Variants in HERC3 observed in about 807,000 individuals in gnomAD.
HERC3 encodes probable E3 ubiquitin-protein ligase HERC3.
A neutral mutation model predicts 129.9 loss-of-function variants in HERC3; 58 were observed. The observed-to-expected ratio is 0.45, with a 90% CI of 0.36 to 0.56. The LOEUF (loss-of-function observed/expected upper bound fraction) is 0.56. Ranked by LOEUF, HERC3 falls within the 20% of genes least tolerant of loss-of-function variation. HERC3 has a pLI of 0.00. For synonymous variants in HERC3, 430 were observed against 451.0 expected (o/e 0.95, Z 0.59); for missense variants, 835 against 1,244.2 (o/e 0.67, Z 4.95).
At chr4:88,620,878 C>G (rs4629403) in intron 3 of HERC3, among the ~76,000 whole-genome samples, 14,658 of 152,128 alleles carry the variant, frequency 0.096, 1,070 homozygotes, top group South Asian at 0.23. Context: ...TCTCTGCTCC[C>G]ATGGCACCTT....
chr4:88,545,430 C>CCTTTTTTT, the HERC3 span, among the ~76,000 whole-genome samples: 47 of 110,430 alleles, frequency 4.3e-4, 3 homozygotes, highest in East Asian at 1.5e-3. Context: ...TTTGAGAATT[C>CCTTTTTTT]TTTTTTTTTT....
intron 25 of HERC3, among the ~76,000 whole-genome samples, chr4:88,705,996 G>C (rs1278199131): frequency 6.6e-6 from 1 of 152,158 alleles, no homozygotes; most frequent in Non-Finnish European, 1.5e-5. Flanking sequence ...GAGCTTGTAG[G>C]GCTGTGACAT....
At chr4:88,664,529 A>G (rs1191573730) in intron 12 of HERC3, among the ~76,000 whole-genome samples, 1 of 152,210 alleles carries the variant, frequency 6.6e-6, no homozygotes, top group Non-Finnish European at 1.5e-5. Context: ...TGGAAAGCCT[A>G]ATAATGGTAA....
At chr4:88,592,051 C>G (rs1052499119), upstream of HERC3, among the ~76,000 whole-genome samples, 1 of 152,200 alleles carries the variant, frequency 6.6e-6, no homozygotes. Context: ...CGCACTCTCC[C>G]TCAATTGTCA....
chr4:88,671,567 A>G (rs1390979500), intron 16 of HERC3, among the ~76,000 whole-genome samples: 2 of 152,320 alleles, frequency 1.3e-5, no homozygotes, highest in East Asian at 3.9e-4. Context: ...TCTATCACCC[A>G]GGCTGGAGTG....
chr4:88,546,104 C>T, the HERC3 span, among the ~76,000 whole-genome samples: 12 of 152,152 alleles, frequency 7.9e-5, no homozygotes, highest in African/African-American at 2.7e-4. Flanking sequence ...GGTTGAATTA[C>T]TTGAAATTTC....
chr4:88,706,698 T>G, intron 25 of HERC3, 54 bp from the exon 26 acceptor site: 260 of 1,411,700 alleles, frequency 1.8e-4, no homozygotes, highest in Non-Finnish European at 2.4e-4. Flanking sequence ...GAAGGATCTC[T>G]GAGATCCATT....
the HERC3 span, among the ~76,000 whole-genome samples, chr4:88,550,805 A>T: frequency 6.6e-6 from 1 of 151,408 alleles, no homozygotes; most frequent in Admixed American, 6.7e-5. Flanking sequence ...ATATGGAACC[A>T]AAAAAGAGCC....
the HERC3 span, chr4:88,527,843 T>C: frequency 3.5e-4 from 111 of 318,080 alleles, 1 homozygote; most frequent in Non-Finnish European, 6.3e-4. Context: ...AAGCTGAATG[T>C]ATAGGTAGCT....
intron 23 of HERC3, chr4:88,690,405 T>C: frequency 1.0e-6 from 1 of 985,312 alleles, no homozygotes; most frequent in Non-Finnish European, 1.2e-6. Flanking sequence ...TGAGTACGTA[T>C]GTAGATACAT....
At chr4:88,544,523 G>A in the HERC3 span, among the ~76,000 whole-genome samples, 2 of 152,198 alleles carry the variant, frequency 1.3e-5, no homozygotes, top group East Asian at 3.8e-4. Flanking sequence ...ATTCCTCAAG[G>A]ATCTAGAAGT....
chr4:88,605,009 G>T (rs1433666957), intron 2 of HERC3, among the ~76,000 whole-genome samples: 13 of 152,218 alleles, frequency 8.5e-5, no homozygotes, highest in African/African-American at 2.4e-5. Flanking sequence ...TTAGGCTAGG[G>T]TCAGTAATCA....
At chr4:88,596,819 AC>A (rs1722448125) in intron 2 of HERC3, among the ~76,000 whole-genome samples, 1 of 152,136 alleles carries the variant, frequency 6.6e-6, no homozygotes, top group African/African-American at 2.4e-5. Context: ...CACAATCATT[AC>A]CCGCTATTTT....
the HERC3 span, among the ~76,000 whole-genome samples, chr4:88,525,386 G>A: frequency 6.6e-6 from 1 of 152,188 alleles, no homozygotes; most frequent in Non-Finnish European, 1.5e-5. Flanking sequence ...AAGGGAAGGG[G>A]TGAGCTGTAG....
chr4:88,697,511 G>C, intron 23 of HERC3: 5 of 1,614,126 alleles, frequency 3.1e-6, no homozygotes, highest in Non-Finnish European at 4.2e-6. Flanking sequence ...TTGAGGGCCA[G>C]GACTCGGCAT....
At chr4:88,650,987 A>G (rs1351912303) in intron 4 of HERC3, among the ~76,000 whole-genome samples, 1 of 152,160 alleles carries the variant, frequency 6.6e-6, no homozygotes, top group African/African-American at 2.4e-5. Flanking sequence ...CCATGGAGGT[A>G]AGAGTGATTT....
chr4:88,554,255 AG>A, the HERC3 span, among the ~76,000 whole-genome samples: 1 of 151,184 alleles, frequency 6.6e-6, no homozygotes, highest in Non-Finnish European at 1.5e-5. Context: ...CTGAGACAGG[AG>A]AATCCTTGAA....
intron 3 of HERC3, among the ~76,000 whole-genome samples, chr4:88,620,277 T>C (rs1408970146): frequency 6.6e-6 from 1 of 152,230 alleles, no homozygotes; most frequent in Non-Finnish European, 1.5e-5. Flanking sequence ...CTACTTAATT[T>C]CAGACTTGAT....
intron 3 of HERC3, among the ~76,000 whole-genome samples, chr4:88,608,002 C>T (rs1578157556): frequency 6.6e-6 from 1 of 152,150 alleles, no homozygotes; most frequent in South Asian, 2.1e-4. Flanking sequence ...ACTGAAGCTT[C>T]ATTAAAGAAT....
Sources: gnomAD v4.1 joint callset for allele counts (sites outside exome capture counted in the v4.1 genomes callset) on GRCh38, gnomAD v4.1.1 for gene constraint, MANE v1.5 for transcripts, NCBI Gene and HGNC (gene_info 2026-07-23, HGNC 2026-07-21) for gene names.